The following MAP2K5 variants were observed in gnomAD, a reference collection of about 807,000 sequenced individuals.
MAP2K5 encodes mitogen-activated protein kinase kinase 5.
In MAP2K5, 49 loss-of-function variants were observed where a neutral mutation model predicts 83.1. That is an observed-to-expected ratio of 0.59 (90% CI 0.47 to 0.75). The LOEUF (loss-of-function observed/expected upper bound fraction) is 0.75. MAP2K5 is among the 30% of genes least tolerant of loss of function. MAP2K5 has a pLI of 0.00. For synonymous variants in MAP2K5, 202 were observed against 191.8 expected (o/e 1.05, Z -0.44); for missense variants, 457 against 557.5 (o/e 0.82, Z 1.82).
At chr15:67,759,427 G>T (rs1235041387) in intron 19 of MAP2K5, among the ~76,000 whole-genome samples, 1 of 151,998 alleles carries the variant, frequency 6.6e-6, no homozygotes, top group African/African-American at 2.4e-5. Flanking sequence ...AAGCATGGTG[G>T]CACGTGCCTG....
intron 13 of MAP2K5, among the ~76,000 whole-genome samples, chr15:67,672,510 T>G (rs1196814795): frequency 6.7e-6 from 1 of 150,066 alleles, no homozygotes; most frequent in East Asian, 2.0e-4. Context: ...ATGGGGTTGT[T>G]TGTTTTTTTC....
intron 15 of MAP2K5, among the ~76,000 whole-genome samples, chr15:67,696,222 T>C (rs1328581975): frequency 1.3e-5 from 2 of 151,872 alleles, no homozygotes; most frequent in African/African-American, 4.8e-5. Context: ...CAAATATCCA[T>C]GAACTACAGT....
intron 9 of MAP2K5, 68 bp from the exon 10 acceptor site, chr15:67,646,163 A>C (rs2086827113): frequency 3.0e-6 from 2 of 673,434 alleles, no homozygotes; most frequent in Non-Finnish European, 5.0e-6. Context: ...TTTAGTTCTT[A>C]TATTTCATAG....
chr15:67,806,376 T>C (rs555508341), intron 21 of MAP2K5, among the ~76,000 whole-genome samples: 24 of 152,270 alleles, frequency 1.6e-4, no homozygotes, highest in Non-Finnish European at 2.6e-4. Context: ...TTAAGCACCT[T>C]CCAGGCTAGT....
intron 13 of MAP2K5, among the ~76,000 whole-genome samples, chr15:67,671,414 T>A (rs930035374): frequency 1.3e-5 from 2 of 152,130 alleles, no homozygotes; most frequent in African/African-American, 4.8e-5. Context: ...ATGAAATGTT[T>A]TAAAACTGAA....
chr15:67,791,256 A>T (rs1258821720), intron 21 of MAP2K5, among the ~76,000 whole-genome samples: 1 of 152,164 alleles, frequency 6.6e-6, no homozygotes, highest in Non-Finnish European at 1.5e-5. Flanking sequence ...GGGGCATTGG[A>T]GTTGAGGGAT....
At chr15:67,751,677 G>A (rs747989062) in intron 19 of MAP2K5, among the ~76,000 whole-genome samples, 7 of 152,144 alleles carry the variant, frequency 4.6e-5, no homozygotes, top group African/African-American at 9.7e-5. Flanking sequence ...GCCTGTTGAC[G>A]GAGTGTGGTG....
rs190164902 is a variant in MAP2K5 at position 67,779,745 on chromosome 15, A to G, written c.1242+6993A>G. Among the ~76,000 whole-genome samples the G allele has an allele frequency of 1.3e-5, 2 of 152,244 alleles. No homozygotes were observed. The highest frequency in any genetic ancestry group is 4.8e-5 in the African/African-American group (2 of 41,528). On this transcript the variant is annotated intron_variant, in intron 21 of 21. Coordinates refer to ENST00000178640, the MANE Select transcript of MAP2K5 (RefSeq NM_145160.3). The surrounding 1 kb of genome is among the most constrained non-coding windows in gnomAD (Gnocchi z 4.6). ...TTTATTGGACTGTCATCTTCCTAGTATCTTGTTTCAAGGCACAGTGAAGCT... is the reference window on the plus strand; with the variant it reads ...TTTATTGGACTGTCATCTTCCTAGTGTCTTGTTTCAAGGCACAGTGAAGCT...
intron 8 of MAP2K5, among the ~76,000 whole-genome samples, chr15:67,613,342 A>G (rs938756419): frequency 1.3e-5 from 2 of 152,230 alleles, no homozygotes; most frequent in South Asian, 4.1e-4. Context: ...GTTTGCTTTT[A>G]TGGAGATTAG....
intron 4 of MAP2K5, among the ~76,000 whole-genome samples, chr15:67,581,951 T>C (rs962891064): frequency 1.3e-5 from 2 of 152,170 alleles, no homozygotes; most frequent in Non-Finnish European, 2.9e-5. Flanking sequence ...AAAACAAGGA[T>C]TGTGATTAAT....
intron 12 of MAP2K5, among the ~76,000 whole-genome samples, chr15:67,659,863 C>T (rs1276567277): frequency 6.6e-6 from 1 of 152,146 alleles, no homozygotes; most frequent in Non-Finnish European, 1.5e-5. Context: ...TCTTACTTCC[C>T]TCTTGTTTAG....
At chr15:67,681,168 A>G (rs1476604172) in intron 13 of MAP2K5, among the ~76,000 whole-genome samples, 2 of 152,234 alleles carry the variant, frequency 1.3e-5, no homozygotes, top group Non-Finnish European at 2.9e-5. Context: ...CAGCCTTGTC[A>G]ATGTAGGAAG....
intron 17 of MAP2K5, among the ~76,000 whole-genome samples, chr15:67,734,713 G>A (rs1234489265): frequency 6.6e-6 from 1 of 152,086 alleles, no homozygotes; most frequent in Non-Finnish European, 1.5e-5. Flanking sequence ...TAAAAAGTTT[G>A]CACTCTTTGA....
chr15:67,548,974 C>T (rs536607405), intron 1 of MAP2K5: 1 of 1,386,864 alleles, frequency 7.2e-7, no homozygotes, highest in South Asian at 1.7e-5. Context: ...GCAGCAAAAG[C>T]TTCTAAAGAA....
chr15:67,566,579 T>G (rs1860099976), intron 3 of MAP2K5, among the ~76,000 whole-genome samples: 1 of 152,188 alleles, frequency 6.6e-6, no homozygotes, highest in Non-Finnish European at 1.5e-5. Flanking sequence ...ACTTTTACCA[T>G]TAGTCCTTTA....
intron 5 of MAP2K5, 141 bp from the exon 6 acceptor site, chr15:67,586,705 A>G: frequency 1.3e-6 from 1 of 753,392 alleles, no homozygotes; most frequent in South Asian, 1.5e-5. Flanking sequence ...CTATATACTG[A>G]ATAGACTCCA....
rs1374537074 is a variant in MAP2K5 at position 67,758,016 on chromosome 15, T to C, written c.1134+9415T>C. ...GTGTTTGGGCAAGTATTATGAGATA[T>C]AAACCAAGGGCCACATTTTGAAGGA... On this transcript the variant is annotated intron_variant, in intron 19 of 21. Coordinates refer to ENST00000178640, the MANE Select transcript of MAP2K5 (RefSeq NM_145160.3). This position sits in a 1 kb window ranked among gnomAD's most constrained non-coding sequence, Gnocchi z 4.7. Among the ~76,000 whole-genome samples, 1 of 152,060 alleles carries C rather than the reference T, an allele frequency of 6.6e-6. No homozygotes were observed. Among genetic ancestry groups the C allele is most frequent in the Non-Finnish European group, 1.5e-5 (1 of 67,998 alleles).
At chr15:67,727,006 C>G (rs1193611210) in intron 16 of MAP2K5, among the ~76,000 whole-genome samples, 1 of 152,140 alleles carries the variant, frequency 6.6e-6, no homozygotes, top group Non-Finnish European at 1.5e-5. Context: ...CAAGACCAGC[C>G]TGGCCAACAT....
rs374139864 is a variant in MAP2K5 at position 67,563,211 on chromosome 15, G to A, written c.185-72G>A. The A allele has an allele frequency of 2.9e-5, 44 of 1,540,578 alleles. No individual in the cohort carries two copies. In the Admixed American group the frequency reaches 5.1e-4, roughly 18 times the overall value. On this transcript the variant is annotated intron_variant, in intron 2 of 21. Transcript: ENST00000178640. The surrounding 1 kb of genome is among the most constrained non-coding windows in gnomAD (Gnocchi z 4.5). ...TTAGAATATCACATTGTAATAAACC[G>A]TTTATATTATGTTCCCTTTGTGCAT...
Sources: allele counts gnomAD v4.1 joint callset (sites outside exome capture counted in the v4.1 genomes callset), GRCh38; gene constraint gnomAD v4.1.1; non-coding constraint Gnocchi (gnomAD v3.1); transcripts MANE v1.5; gene names NCBI Gene and HGNC (gene_info 2026-07-23, HGNC 2026-07-21).